The following KCNQ3 variants were observed in gnomAD, a reference collection of about 807,000 sequenced individuals.
The protein encoded by KCNQ3 is potassium voltage-gated channel subfamily KQT member 3.
In KCNQ3, 30 loss-of-function variants were observed where a neutral mutation model predicts 92.5. That is an observed-to-expected ratio of 0.32 (90% CI 0.24 to 0.44). The LOEUF (loss-of-function observed/expected upper bound fraction) is 0.44. Among genes scored for constraint, KCNQ3 ranks in the 20% least tolerant of loss-of-function variants. The pLI, the probability that KCNQ3 is intolerant of heterozygous loss-of-function variation, is 1.00. For missense variants in KCNQ3, 913 were observed against 1,140.3 expected (o/e 0.80, Z 2.87); for synonymous variants, 450 against 468.8 (o/e 0.96, Z 0.52).
intron 1 of KCNQ3, among the ~76,000 whole-genome samples, chr8:132,200,192 T>G (rs538008284): frequency 4.7e-4 from 71 of 152,324 alleles, no homozygotes; most frequent in Middle Eastern, 3.4e-3. Context: ...CATATCCCTA[T>G]CCATCTATAA....
At chr8:132,335,121 A>C (rs1586936071) in intron 1 of KCNQ3, among the ~76,000 whole-genome samples, 1 of 151,022 alleles carries the variant, frequency 6.6e-6, no homozygotes, top group South Asian at 2.1e-4. Flanking sequence ...GCTCACTGCA[A>C]CCTCCACCTC....
chr8:132,377,282 T>C (rs1178378050), intron 1 of KCNQ3, among the ~76,000 whole-genome samples: 2 of 152,224 alleles, frequency 1.3e-5, no homozygotes, highest in Admixed American at 6.5e-5. Context: ...CAGGCCTTCA[T>C]AGCTGGACTG....
At chr8:132,442,785 T>C (rs1428469217) in intron 1 of KCNQ3, among the ~76,000 whole-genome samples, 1 of 152,202 alleles carries the variant, frequency 6.6e-6, no homozygotes, top group Non-Finnish European at 1.5e-5. Flanking sequence ...CCTTTGAACA[T>C]TTTCCTGCTT....
chr8:132,288,189 T>C (rs752187379), intron 1 of KCNQ3, among the ~76,000 whole-genome samples: 1 of 152,210 alleles, frequency 6.6e-6, no homozygotes, highest in Admixed American at 6.5e-5. Context: ...GTAAAATATA[T>C]GGATATGTTT....
At chr8:132,446,705 A>G (rs1821685718) in intron 1 of KCNQ3, among the ~76,000 whole-genome samples, 1 of 152,174 alleles carries the variant, frequency 6.6e-6, no homozygotes, top group South Asian at 2.1e-4. Context: ...TCTGAATGCT[A>G]TTTTGTGAGG....
intron 1 of KCNQ3, among the ~76,000 whole-genome samples, chr8:132,393,282 T>C (rs774353036): frequency 3.3e-5 from 5 of 152,212 alleles, no homozygotes; most frequent in Non-Finnish European, 7.4e-5. Flanking sequence ...GAGCACAGCT[T>C]TGTCTTTGTT....
chr8:132,217,433 G>A (rs554421619), intron 1 of KCNQ3, among the ~76,000 whole-genome samples: 15 of 152,206 alleles, frequency 9.9e-5, no homozygotes, highest in East Asian at 3.9e-4. Context: ...AGAGTCGGCC[G>A]GACACGGTGG....
At chr8:132,382,187 T>C (rs1819769033) in intron 1 of KCNQ3, among the ~76,000 whole-genome samples, 1 of 152,212 alleles carries the variant, frequency 6.6e-6, no homozygotes, top group Middle Eastern at 3.2e-3. Context: ...TGGATATTTG[T>C]CCCTTCCAAA....
At chr8:132,350,996 G>A (rs73343857) in intron 1 of KCNQ3, among the ~76,000 whole-genome samples, 4,480 of 151,854 alleles carry the variant, frequency 0.03, 234 homozygotes, top group African/African-American at 0.1. Flanking sequence ...TGACCTACTC[G>A]CACCCCACCA....
chr8:132,213,042 T>C (rs578014115), intron 1 of KCNQ3, among the ~76,000 whole-genome samples: 4 of 152,224 alleles, frequency 2.6e-5, no homozygotes, highest in African/African-American at 7.2e-5. Context: ...AGTGAACTTA[T>C]GGAAAACTAA....
chr8:132,211,201 T>C (rs1350061607), intron 1 of KCNQ3, among the ~76,000 whole-genome samples: 1 of 152,234 alleles, frequency 6.6e-6, no homozygotes, highest in Non-Finnish European at 1.5e-5. Context: ...ACTATTGATA[T>C]ACAAGTATTG....
chr8:132,338,655 C>T (rs1324687986), intron 1 of KCNQ3, among the ~76,000 whole-genome samples: 2 of 152,158 alleles, frequency 1.3e-5, no homozygotes, highest in East Asian at 3.9e-4. Context: ...CAAATGGCGC[C>T]CGCCAGTCCA....
intron 1 of KCNQ3, among the ~76,000 whole-genome samples, chr8:132,265,501 T>C (rs1254339780): frequency 6.6e-6 from 1 of 152,234 alleles, no homozygotes; most frequent in Non-Finnish European, 1.5e-5. Flanking sequence ...TTTCCTGATG[T>C]TTCTAGCTGC....
intron 1 of KCNQ3, among the ~76,000 whole-genome samples, chr8:132,442,269 T>A (rs1347292106): frequency 6.6e-6 from 1 of 152,126 alleles, no homozygotes; most frequent in Non-Finnish European, 1.5e-5. Context: ...TCTTCCTCCA[T>A]ATGTATCTCA....
rs1469007568 is a variant in KCNQ3, at chr8:132,132,261, A to C, written c.1803T>G (p.Asn601Lys). 7 of 1,611,078 alleles carry C rather than the reference A, an allele frequency of 4.3e-6. No homozygotes were observed. The highest frequency in any genetic ancestry group is 5.9e-6 in the Non-Finnish European group (7 of 1,177,410). Residue 601 changes from asparagine to lysine, a missense_variant, in exon 14 of 15, where the codon AAT (asparagine) becomes AAG (lysine). Physicochemically the swap from Asn to Lys is moderately conservative, Grantham distance 94 (BLOSUM62 0). Transcript: ENST00000388996. Reference protein sequence around the residue: ...FTFPSQQSPRNEPYVARPSTS... With the variant: ...FTFPSQQSPRKEPYVARPSTS... ...TGGATGGTCTGGCTACATATGGTTC[A>C]TTCCTAAGAAGAAGCGAACACTTCT...
intron 9 of KCNQ3, among the ~76,000 whole-genome samples, chr8:132,154,876 C>T (rs1195503581): frequency 6.6e-6 from 1 of 152,146 alleles, no homozygotes; most frequent in Non-Finnish European, 1.5e-5. Flanking sequence ...TTTCCTACAA[C>T]AGAATCAGGT....
At position 132,369,058 on chromosome 8, in the gene KCNQ3, T is replaced by C. The variant is rs115290100; in HGVS notation, c.386+111089A>G. 2.5e-3 allele frequency among the ~76,000 whole-genome samples: 385 copies of C among 152,328 alleles called. 2 individuals are homozygous for C. Among genetic ancestry groups the C allele is most frequent in the African/African-American group, 8.9e-3 (369 of 41,584 alleles). On this transcript the variant is annotated intron_variant, in intron 1 of 14. Coordinates refer to ENST00000388996, the MANE Select transcript of KCNQ3 (RefSeq NM_004519.4). ...TTTTGAGAGATACCAGTCAGGTATT[T>C]TGTAGAATGTCTCTCAATTTGGGTT...
chr8:132,202,466 T>C (rs954892562), intron 1 of KCNQ3, among the ~76,000 whole-genome samples: 1 of 152,136 alleles, frequency 6.6e-6, no homozygotes, highest in South Asian at 2.1e-4. Context: ...ATAAATTCCT[T>C]TATAATTTGA....
At chr8:132,233,072 C>T (rs376693116) in intron 1 of KCNQ3, among the ~76,000 whole-genome samples, 22 of 152,268 alleles carry the variant, frequency 1.4e-4, no homozygotes, top group African/African-American at 5.3e-4. Context: ...AAATAAAATT[C>T]TTTCCTTTAG....
Sources: allele counts gnomAD v4.1 joint callset (sites outside exome capture counted in the v4.1 genomes callset), GRCh38; gene constraint gnomAD v4.1.1; transcripts MANE v1.5; gene names NCBI Gene and HGNC (gene_info 2026-07-23, HGNC 2026-07-21).